Variants in FGD2 observed in about 807,000 individuals in gnomAD.
The protein encoded by FGD2 is FYVE, RhoGEF and PH domain containing 2.
A neutral mutation model predicts 75.9 loss-of-function variants in FGD2; 52 were observed. That is an observed-to-expected ratio of 0.69 (90% CI 0.55 to 0.86). FGD2 has a LOEUF of 0.86. Ranked by LOEUF, FGD2 falls within the 40% of genes least tolerant of loss-of-function variation. The pLI is 0.00. For missense variants in FGD2, 790 were observed against 872.0 expected (o/e 0.91, Z 1.18); for synonymous variants, 347 against 348.6 (o/e 1.00, Z 0.05).
intron 14 of FGD2, 175 bp downstream of exon 14, chr6:37,026,113 C>T (rs1411019106): frequency 1.0e-5 from 10 of 985,324 alleles, no homozygotes; most frequent in African/African-American, 1.7e-5. Context: ...TCGCCACAGC[C>T]CAGGCAGTGT....
In FGD2 at chr6:37,011,873, C is replaced by T; in HGVS notation, c.527+19C>T. ...ACGACTGGTGAGGTCCACCAGGAGC[C>T]CCTGAGGCCTCAGACCACAGCCCTG... On this transcript the variant is annotated intron_variant, in intron 4 of 15. Transcript: ENST00000274963. 1.2e-6 allele frequency: 2 copies of T among 1,611,992 alleles called. No individual in the cohort carries two copies. The highest frequency in any genetic ancestry group is 1.7e-6 in the Non-Finnish European group (2 of 1,179,130).
chr6:37,025,572 G>C, intron 13 of FGD2: 1 of 577,884 alleles, frequency 1.7e-6, no homozygotes, highest in Non-Finnish European at 3.1e-6. Context: ...CTCAGCCTAA[G>C]AGCCCCGAGC....
chr6:37,024,702 A>T (rs1765735964), intron 13 of FGD2: 1 of 152,218 alleles, frequency 6.6e-6, no homozygotes, highest in African/African-American at 2.4e-5. Context: ...ATAAAAAAAA[A>T]ATGCTCCTGA....
At chr6:37,011,645 C>G (rs533663734) in intron 3 of FGD2, 61 bp from the exon 4 acceptor site, 4 of 1,607,092 alleles carry the variant, frequency 2.5e-6, no homozygotes, top group East Asian at 2.2e-5. Context: ...CTAGTTCCCC[C>G]GGGCTGATGT....
intron 11 of FGD2, among the ~76,000 whole-genome samples, chr6:37,021,130 G>C (rs1765571955): frequency 6.6e-6 from 1 of 151,816 alleles, no homozygotes; most frequent in Non-Finnish European, 1.5e-5. Context: ...ATGTGTCTTT[G>C]TGTGTCTGTG....
At chr6:37,027,279 C>G (rs1765870564) in intron 14 of FGD2, 150 bp from the exon 15 acceptor site, 2 of 889,316 alleles carry the variant, frequency 2.2e-6, no homozygotes, top group African/African-American at 3.4e-5. Flanking sequence ...ACCACAGGCA[C>G]TTGATGGGAC....
At chr6:37,018,960 C>A (rs1358941091) in intron 9 of FGD2, among the ~76,000 whole-genome samples, 1 of 152,178 alleles carries the variant, frequency 6.6e-6, no homozygotes, top group Non-Finnish European at 1.5e-5. Flanking sequence ...TCTGGAAACT[C>A]CTCTTGAAAC....
chr6:37,014,803 C>G, intron 7 of FGD2, 89 bp from the exon 8 acceptor site: 1 of 1,606,044 alleles, frequency 6.2e-7, no homozygotes, highest in Non-Finnish European at 8.5e-7. Context: ...CTCACTGTTA[C>G]CCCCCAGTCC....
chr6:37,011,738 C>A lies in FGD2; in HGVS notation c.411C>A (p.Arg137=), dbSNP rs760274038. The change falls in exon 4 of 16, where the codon CGC becomes CGA. Residue 137 remains arginine, a synonymous_variant. Transcript: ENST00000274963. The part of the protein sequence containing the change: ...VFFQELLKTA[R]SSKAFPEDVV... ...TCCAGGAGCTGCTGAAGACAGCCCG[C>A]AGCAGCAAGGCCTTCCCAGAGGATG... The A allele has an allele frequency of 3.7e-6, 6 of 1,614,194 alleles. No individual in the cohort carries two copies. In the South Asian group the frequency reaches 6.6e-5, roughly 18 times the overall value.
chr6:37,013,404 C>A (rs1765116124), intron 4 of FGD2: 10 of 1,376,688 alleles, frequency 7.3e-6, no homozygotes, highest in Non-Finnish European at 9.4e-6. Context: ...CAACCTGGGA[C>A]CAGAACAGCC....
At chr6:37,024,000 T>C (rs1765705361) in intron 13 of FGD2, 1 of 152,226 alleles carries the variant, frequency 6.6e-6, no homozygotes, top group East Asian at 1.9e-4. Context: ...TCAAGGTTGC[T>C]CTTGGGACCA....
intron 14 of FGD2, chr6:37,026,350 C>G: frequency 1.0e-6 from 1 of 985,456 alleles, no homozygotes; most frequent in Non-Finnish European, 1.2e-6. Flanking sequence ...AGACTCCATT[C>G]TAACTGGAAG....
chr6:37,029,019 G>A lies in FGD2; in HGVS notation c.*856G>A, dbSNP rs1455211472. On this transcript the variant is annotated 3_prime_UTR_variant, in exon 16 of 16. Coordinates refer to ENST00000274963, the MANE Select transcript of FGD2 (RefSeq NM_173558.4). ...CAACCAATGGTTGAGCCCCTGTCAA[G>A]TGCCAGTCATGATAGTAGTAATAAT... 1.3e-5 allele frequency: 2 copies of A among 151,976 alleles called. No individual in the cohort carries two copies. The highest frequency in any genetic ancestry group is 6.6e-5 in the Admixed American group (1 of 15,250). The allele number at this position is 151,976 out of a possible 1,614,324, so 9.4% of individuals were successfully genotyped here. A position where few individuals can be genotyped will look rare whatever the true frequency, so the allele number is the denominator to read the frequency against.
At chr6:37,020,357 G>T (rs1765516628) in intron 9 of FGD2, among the ~76,000 whole-genome samples, 184 bp from the exon 10 acceptor site, 1 of 152,202 alleles carries the variant, frequency 6.6e-6, no homozygotes, top group South Asian at 2.1e-4. Flanking sequence ...TTGGAGCGAG[G>T]CCCAGTTGCA....
intron 14 of FGD2, chr6:37,026,302 C>T (rs1002111354): frequency 2.0e-6 from 2 of 985,348 alleles, no homozygotes; most frequent in East Asian, 1.1e-4. Context: ...TTCCATTTTA[C>T]AGATGGGAAC....
At chr6:37,021,648 A>C in intron 12 of FGD2, 44 bp downstream of exon 12, 2 of 1,532,052 alleles carry the variant, frequency 1.3e-6, no homozygotes, top group Non-Finnish European at 1.8e-6. Context: ...CACCAACCCA[A>C]ATAGAGCTTG....
chr6:37,016,000 GT>G (rs1765269051), intron 9 of FGD2, 140 bp downstream of exon 9: 6 of 770,668 alleles, frequency 7.8e-6, no homozygotes, highest in African/African-American at 1.8e-5. Flanking sequence ...ATGGAAGAGT[GT>G]GGGGCTCTCC....
Position 37,008,823 on chromosome 6 carries a change from C to A in FGD2, c.69-11C>A. On this transcript the variant is annotated splice_polypyrimidine_tract_variant and intron_variant, in intron 1 of 15. Coordinates refer to ENST00000274963, the MANE Select transcript of FGD2 (RefSeq NM_173558.4). ...AGGGAGGAAGCCCTCAGGTCTGTCT[C>A]TTCTCCTCAGGACCCCAGAAGCAGC... 3 of 1,563,850 alleles carry A rather than the reference C, an allele frequency of 1.9e-6. No individual in the cohort carries two copies. Among genetic ancestry groups the A allele is most frequent in the Middle Eastern group, 1.7e-4 (1 of 5,830 alleles).
intron 1 of FGD2, 95 bp from the exon 2 acceptor site, chr6:37,008,739 A>C: frequency 2.4e-6 from 3 of 1,270,346 alleles, no homozygotes; most frequent in Non-Finnish European, 3.2e-6. Flanking sequence ...TGCACTGGGG[A>C]TTTGCACCAG....
Sources: allele counts gnomAD v4.1 joint callset (sites outside exome capture counted in the v4.1 genomes callset), GRCh38; gene constraint gnomAD v4.1.1; transcripts MANE v1.5; gene names NCBI Gene and HGNC (gene_info 2026-07-23, HGNC 2026-07-21).